The following ZNF131 variants were observed in gnomAD, a reference collection of about 807,000 sequenced individuals.
ZNF131 encodes zinc finger protein 131.
ZNF131 carries 7 observed loss-of-function variants against 60.0 expected under a neutral mutation model. The observed-to-expected ratio is 0.12, with a 90% CI of 0.07 to 0.22. The LOEUF is 0.22. Ranked by LOEUF, ZNF131 falls within the 10% of genes least tolerant of loss-of-function variation. The pLI is 1.00. For synonymous variants in ZNF131, 257 were observed against 253.2 expected, an observed-to-expected ratio of 1.01 and a Z score of -0.14; for missense variants, 493 against 740.9, an observed-to-expected ratio of 0.67 and a Z score of 3.88.
chr5:43,125,003 C>G (rs539794915), intron 3 of ZNF131: 1 of 149,540 alleles, frequency 6.7e-6, no homozygotes, highest in South Asian at 2.1e-4. Context: ...GCATTGTAGC[C>G]TGGGCGACAG....
At chr5:43,161,058 G>T (rs539628366) in intron 4 of ZNF131, among the ~76,000 whole-genome samples, 191 bp from the exon 5 acceptor site, 1 of 151,938 alleles carries the variant, frequency 6.6e-6, no homozygotes, top group Non-Finnish European at 1.5e-5. Context: ...ATTAATCTTC[G>T]TGTCTATGCT....
chr5:43,171,454 C>T (rs1453434352), intron 5 of ZNF131, among the ~76,000 whole-genome samples: 4 of 152,032 alleles, frequency 2.6e-5, no homozygotes, highest in African/African-American at 9.7e-5. Flanking sequence ...CGGTGGATCA[C>T]TTGAGGTCAG....
chr5:43,171,944 T>TG (rs1407115224), intron 5 of ZNF131, among the ~76,000 whole-genome samples: 1 of 152,136 alleles, frequency 6.6e-6, no homozygotes, highest in Non-Finnish European at 1.5e-5. Flanking sequence ...TAAATAGAGA[T>TG]GGGGTCTCAC....
chr5:43,161,815 A>G lies in ZNF131; in HGVS notation c.938A>G (p.Glu313Gly). Residue 313 changes from glutamate (E) to glycine (G), a missense_variant, in exon 5 of 7, where the codon GAA becomes GGA. By Grantham distance (98) the Glu-to-Gly change is moderately conservative (BLOSUM62 -2). Around this residue, in one of 7 missense-constraint regions of ZNF131, gnomAD observed 22 missense variants for 26.7 expected, o/e 0.82. Coordinates refer to ENST00000682664, the MANE Select transcript of ZNF131 (RefSeq NM_001330707.2). Reference sequence around the variant, plus strand: ...CAGCACCTAAATTGTTACCACCTTGAAGAAGGTGGAGTCAGTAAGAAGCAA... The same window carrying G: ...CAGCACCTAAATTGTTACCACCTTGGAGAAGGTGGAGTCAGTAAGAAGCAA... ...WKQHLNCYHL[E>G]EGGVSKKQRT... 5 of 1,614,198 alleles carry G rather than the reference A, an allele frequency of 3.1e-6. No homozygotes were observed. The highest frequency in any genetic ancestry group is 4.2e-6 in the Non-Finnish European group (5 of 1,180,022).
At chr5:43,152,347 G>T (rs1419784397) in intron 4 of ZNF131, among the ~76,000 whole-genome samples, 1 of 152,124 alleles carries the variant, frequency 6.6e-6, no homozygotes, top group Non-Finnish European at 1.5e-5. Flanking sequence ...CAGCTGACTT[G>T]AGTAGTAACT....
chr5:43,123,443 A>C, intron 3 of ZNF131, 133 bp downstream of exon 3: 3 of 656,168 alleles, frequency 4.6e-6, no homozygotes, highest in Non-Finnish European at 4.9e-6. Context: ...ACCATAGGAA[A>C]TAGGCATCAG....
chr5:43,132,862 G>A (rs941146188), intron 3 of ZNF131, among the ~76,000 whole-genome samples: 1 of 152,088 alleles, frequency 6.6e-6, no homozygotes, highest in Non-Finnish European at 1.5e-5. Flanking sequence ...ACACTTAAAT[G>A]ATATTCCACC....
chr5:43,164,948 C>CCTCTCCTCTCTCCT (rs146078563), intron 5 of ZNF131, among the ~76,000 whole-genome samples: 1 of 151,966 alleles, frequency 6.6e-6, no homozygotes, highest in East Asian at 1.9e-4. Context: ...TCTCTTCTCT[C>CCTCTCCTCTCTCCT]CTCTCCTCTC....
intron 4 of ZNF131, among the ~76,000 whole-genome samples, chr5:43,149,211 C>T (rs542101291): frequency 6.6e-6 from 1 of 151,060 alleles, no homozygotes; most frequent in Admixed American, 6.6e-5. Flanking sequence ...GCAGAGGCTG[C>T]AGTGAGCCGA....
intron 4 of ZNF131, among the ~76,000 whole-genome samples, chr5:43,141,366 G>A (rs1184723356): frequency 6.6e-6 from 1 of 152,150 alleles, no homozygotes; most frequent in African/African-American, 2.4e-5. Flanking sequence ...ATGGGGCGAT[G>A]TCAGATTGTG....
At chr5:43,134,178 T>G (rs1745720682) in intron 3 of ZNF131, among the ~76,000 whole-genome samples, 1 of 152,186 alleles carries the variant, frequency 6.6e-6, no homozygotes, top group Admixed American at 6.5e-5. Flanking sequence ...TCATATTCCA[T>G]GACTAAGTGA....
intron 5 of ZNF131, among the ~76,000 whole-genome samples, chr5:43,171,340 T>A (rs2112104304): frequency 6.6e-6 from 1 of 152,286 alleles, no homozygotes; most frequent in Admixed American, 6.5e-5. Flanking sequence ...TAAAACCATG[T>A]CCCATCTATC....
chr5:43,168,789 A>G (rs796324473), intron 5 of ZNF131, among the ~76,000 whole-genome samples: 30 of 152,266 alleles, frequency 2.0e-4, no homozygotes, highest in African/African-American at 6.5e-4. Flanking sequence ...AGGCAGTGTT[A>G]GCGGAAAAGA....
chr5:43,166,068 GA>G (rs1750307132), intron 5 of ZNF131, among the ~76,000 whole-genome samples: 1 of 152,200 alleles, frequency 6.6e-6, no homozygotes, highest in Non-Finnish European at 1.5e-5. Flanking sequence ...TAGAATTGAA[GA>G]AAGGGCCTTG....
rs893028262 is a variant in ZNF131, at chr5:43,128,394, C to T, written c.226+5084C>T. On this transcript the variant is annotated intron_variant, in intron 3 of 6. Coordinates refer to ENST00000682664, the MANE Select transcript of ZNF131 (RefSeq NM_001330707.2). Reference sequence around the variant, plus strand: ...CCTGGGAGCTGGGCATGGTGGCTCACGCCTGTAATCCCAGCACTTTGGGAG... The same window carrying T: ...CCTGGGAGCTGGGCATGGTGGCTCATGCCTGTAATCCCAGCACTTTGGGAG... Among the ~76,000 whole-genome samples the T allele has an allele frequency of 4.6e-5, 7 of 152,208 alleles. No homozygotes were observed. The South Asian group carries it at 1.0e-3, about 23-fold the overall frequency.
At chr5:43,150,761 G>A (rs186496418) in intron 4 of ZNF131, among the ~76,000 whole-genome samples, 50 of 152,162 alleles carry the variant, frequency 3.3e-4, no homozygotes, top group African/African-American at 1.2e-3. Flanking sequence ...TGGGCAACAA[G>A]AGTGAAACTC....
In ZNF131 at chr5:43,161,386, T is replaced by A; in HGVS notation, c.509T>A (p.Val170Glu). 6.2e-7 allele frequency: 1 copy of A among 1,614,178 alleles called. No homozygotes were observed. Among genetic ancestry groups the A allele is most frequent in the Non-Finnish European group, 8.5e-7 (1 of 1,180,040 alleles). ...GAATCAGAACCTGTTGAAATTGAGGTAGAGATTGCCGAAGGCACCATTGAA... is the reference window on the plus strand; with the variant it reads ...GAATCAGAACCTGTTGAAATTGAGGAAGAGATTGCCGAAGGCACCATTGAA... ...SAESEPVEIE[V>E]EIAEGTIEVE... Residue 170 changes from valine to glutamate, a missense_variant, in exon 5 of 7, where the codon GTA becomes GAA. Transcript: ENST00000682664.
chr5:43,130,513 A>G (rs1293037669), intron 3 of ZNF131, among the ~76,000 whole-genome samples: 8 of 152,124 alleles, frequency 5.3e-5, no homozygotes, highest in Admixed American at 5.2e-4. Flanking sequence ...TTAAATGAGA[A>G]AAGTTTTGAA....
Position 43,173,467 on chromosome 5 carries a change from A to G in ZNF131, c.1185+19A>G, listed in dbSNP as rs1380184316. On this transcript the variant is annotated intron_variant, in intron 6 of 6. Coordinates refer to ENST00000682664, the MANE Select transcript of ZNF131 (RefSeq NM_001330707.2). ...ATGCCAGGTATGTGCAGATACATAC[A>G]TTCAGTTCTTAACAAAGGAGTCTTG... The G allele has an allele frequency of 2.0e-5, 32 of 1,605,244 alleles. No individual in the cohort carries two copies. The highest frequency in any genetic ancestry group is 2.6e-5 in the Non-Finnish European group (30 of 1,174,622).
Sources: gnomAD v4.1 joint callset for allele counts (sites outside exome capture counted in the v4.1 genomes callset) on GRCh38, gnomAD v4.1.1 for gene constraint, gnomAD v4.1.1 regional missense constraint, MANE v1.5 for transcripts, NCBI Gene and HGNC (gene_info 2026-07-23, HGNC 2026-07-21) for gene names.